ARK2C: variants seen among roughly 807,000 people sequenced by gnomAD.
ARK2C encodes E3 ubiquitin-protein ligase ARK2C.
the ARK2C span, among the ~76,000 whole-genome samples, chr18:46,407,044 G>A: frequency 2.0e-5 from 3 of 152,124 alleles, no homozygotes; most frequent in African/African-American, 7.2e-5. Context: ...TCTTGAACTC[G>A]ACTTTTGCCT....
the ARK2C span, among the ~76,000 whole-genome samples, chr18:46,377,721 G>T: frequency 2.0e-5 from 3 of 152,196 alleles, no homozygotes; most frequent in African/African-American, 4.8e-5. Context: ...ATCAATAAAG[G>T]CTTCAGGGAG....
chr18:46,399,546 C>A, the ARK2C span, among the ~76,000 whole-genome samples: 5 of 152,110 alleles, frequency 3.3e-5, no homozygotes, highest in Non-Finnish European at 5.9e-5. Context: ...GGGGCCAGGG[C>A]AGGATGAGTG....
chr18:46,403,860 G>C, the ARK2C span, among the ~76,000 whole-genome samples: 1 of 152,106 alleles, frequency 6.6e-6, no homozygotes, highest in Non-Finnish European at 1.5e-5. Context: ...CCTGGCAACA[G>C]AGTGAGACTC....
At chr18:46,400,210 G>A in the ARK2C span, among the ~76,000 whole-genome samples, 2 of 152,154 alleles carry the variant, frequency 1.3e-5, no homozygotes, top group Non-Finnish European at 2.9e-5. Context: ...CCCTCTCATG[G>A]GCTCTGCTCC....
the ARK2C span, among the ~76,000 whole-genome samples, chr18:46,393,510 T>C: frequency 1.3e-5 from 2 of 152,150 alleles, no homozygotes; most frequent in African/African-American, 4.8e-5. Context: ...CAGAGCTTCA[T>C]ACCCTGTCTG....
At chr18:46,439,453 GC>G in the ARK2C span, among the ~76,000 whole-genome samples, 4 of 152,182 alleles carry the variant, frequency 2.6e-5, no homozygotes, top group African/African-American at 9.7e-5. Context: ...ACCTTCTGAG[GC>G]CCTGGCATTC....
the ARK2C span, among the ~76,000 whole-genome samples, chr18:46,444,320 G>T: frequency 6.6e-6 from 1 of 152,006 alleles, no homozygotes; most frequent in Non-Finnish European, 1.5e-5. Flanking sequence ...AAATATTTCA[G>T]CCATTTTTTC....
chr18:46,401,357 A>G, the ARK2C span, among the ~76,000 whole-genome samples: 2 of 152,028 alleles, frequency 1.3e-5, no homozygotes, highest in Non-Finnish European at 2.9e-5. Flanking sequence ...CCAACATCAA[A>G]TGTCAGTCAG....
the ARK2C span, chr18:46,450,218 C>T: frequency 1.1e-6 from 1 of 872,630 alleles, no homozygotes; most frequent in African/African-American, 1.6e-5. Flanking sequence ...GAGTGGGTTA[C>T]AGGTGGAGAA....
chr18:46,354,303 A>C, the ARK2C span, among the ~76,000 whole-genome samples: 1 of 152,156 alleles, frequency 6.6e-6, no homozygotes, highest in African/African-American at 2.4e-5. Context: ...CAGCTCTACA[A>C]GTGTGGGCAG....
chr18:46,427,372 TC>T, the ARK2C span, among the ~76,000 whole-genome samples: 2,216 of 152,212 alleles, frequency 0.015, 27 homozygotes, highest in Middle Eastern at 0.037. Flanking sequence ...CGGTTGGTGC[TC>T]CTCCTAATGA....
the ARK2C span, chr18:46,336,500 G>C: frequency 2.0e-6 from 2 of 985,262 alleles, no homozygotes; most frequent in Non-Finnish European, 2.4e-6. Flanking sequence ...GTAAAATTTC[G>C]CAGAATGTGA....
At chr18:46,402,069 T>G in the ARK2C span, among the ~76,000 whole-genome samples, 1 of 152,252 alleles carries the variant, frequency 6.6e-6, no homozygotes, top group Non-Finnish European at 1.5e-5. Context: ...TCCACTGTTT[T>G]GTGAGGCAAT....
the ARK2C span, among the ~76,000 whole-genome samples, chr18:46,346,875 C>T: frequency 5.3e-5 from 8 of 152,192 alleles, no homozygotes; most frequent in Non-Finnish European, 8.8e-5. Context: ...GGGCATATTT[C>T]AGCTTAATTG....
the ARK2C span, among the ~76,000 whole-genome samples, chr18:46,433,814 C>T: frequency 3.3e-5 from 5 of 152,212 alleles, no homozygotes; most frequent in Non-Finnish European, 7.3e-5. Flanking sequence ...GGGTCGGGGA[C>T]GGGTAACTGG....
chr18:46,370,681 G>A, the ARK2C span, among the ~76,000 whole-genome samples: 1 of 152,234 alleles, frequency 6.6e-6, no homozygotes, highest in Non-Finnish European at 1.5e-5. Flanking sequence ...AGGGGATCAA[G>A]GAATAGAATA....
At chr18:46,424,763 G>T in the ARK2C span, among the ~76,000 whole-genome samples, 16,867 of 152,214 alleles carry the variant, frequency 0.11, 1,167 homozygotes, top group South Asian at 0.21. Context: ...AGTCCATGGG[G>T]CTGTCCAGGT....
the ARK2C span, chr18:46,385,745 G>A: frequency 3.3e-5 from 5 of 152,144 alleles, no homozygotes; most frequent in African/African-American, 1.2e-4. Context: ...TGCACTTTTG[G>A]CAGGACCCCC....
At chr18:46,365,886 C>T in the ARK2C span, among the ~76,000 whole-genome samples, 1 of 152,028 alleles carries the variant, frequency 6.6e-6, no homozygotes, top group African/African-American at 2.4e-5. Context: ...GGAATGACTG[C>T]AGGGGAGGTA....
Sources: allele counts gnomAD v4.1 joint callset (sites outside exome capture counted in the v4.1 genomes callset), GRCh38; gene constraint gnomAD v4.1.1; transcripts MANE v1.5; gene names NCBI Gene and HGNC (gene_info 2026-07-23, HGNC 2026-07-21).